Variants in RP2 observed in about 807,000 individuals in gnomAD.
RP2 encodes the protein RP2 activator of ARL3 GTPase, also known as protein XRP2.
RP2 carries 3 observed loss-of-function variants against 20.3 expected under a neutral mutation model. The ratio of observed to expected loss-of-function variants is 0.15; its 90% confidence interval spans 0.07 to 0.38. RP2 has a LOEUF of 0.38. RP2 is among the 10% of genes least tolerant of loss of function. RP2 has a pLI of 1.00. For synonymous variants in RP2, 75 were observed against 94.8 expected (o/e 0.79, Z 1.22); for missense variants, 233 against 268.5 (o/e 0.87, Z 0.92).
chrX:46,864,719 A>C (rs1332616549), intron 3 of RP2, among the ~76,000 whole-genome samples: 2 of 111,350 alleles, frequency 1.8e-5, no homozygotes, highest in African/African-American at 6.5e-5. Context: ...CCAATAAACA[A>C]ATTTTCTACT....
intron 4 of RP2, among the ~76,000 whole-genome samples, chrX:46,879,451 CAG>C (rs782039021): frequency 9.0e-6 from 1 of 110,574 alleles, no homozygotes; most frequent in Non-Finnish European, 1.9e-5. Context: ...ATTATGAAAG[CAG>C]AGACCTTAAT....
intron 1 of RP2, among the ~76,000 whole-genome samples, chrX:46,847,787 C>CGTGTGTGTGTATACACACAT (rs1924770032): frequency 1.2e-5 from 1 of 82,654 alleles, no homozygotes. Context: ...TACATACACA[C>CGTGTGTGTGTATACACACAT]ATGTGTGTGT....
At chrX:46,840,559 A>C (rs1051060865) in intron 1 of RP2, among the ~76,000 whole-genome samples, 6 of 112,707 alleles carry the variant, frequency 5.3e-5, no homozygotes, top group African/African-American at 1.9e-4. Flanking sequence ...ATTTCAAAAG[A>C]AATGTTTTTA....
At chrX:46,852,846 G>C (rs1304006228) in intron 1 of RP2, among the ~76,000 whole-genome samples, 5 of 111,220 alleles carry the variant, frequency 4.5e-5, no homozygotes, top group African/African-American at 1.3e-4. Context: ...GCCTCCCAAA[G>C]TGCTGGGATT....
chrX:46,870,756 T>C (rs1231607284), intron 3 of RP2, among the ~76,000 whole-genome samples: 1 of 111,734 alleles, frequency 8.9e-6, no homozygotes, highest in African/African-American at 3.2e-5. Flanking sequence ...CAAATAACCA[T>C]GAAAGCACTG....
chrX:46,862,323 A>G (rs1410277162), intron 3 of RP2, among the ~76,000 whole-genome samples: 1 of 109,326 alleles, frequency 9.1e-6, no homozygotes. Flanking sequence ...GTGAGCCAAG[A>G]TCGCTGCTGC....
intron 4 of RP2, among the ~76,000 whole-genome samples, chrX:46,879,175 G>A (rs1925430086): frequency 9.3e-6 from 1 of 107,334 alleles, no homozygotes; most frequent in Admixed American, 1.0e-4. Context: ...AGAAGTCTAG[G>A]CTGCAGTGAG....
intron 3 of RP2, among the ~76,000 whole-genome samples, chrX:46,862,151 A>G (rs1925077200): frequency 9.0e-6 from 1 of 111,669 alleles, no homozygotes; most frequent in African/African-American, 3.3e-5. Flanking sequence ...AGGCGGGTAG[A>G]TCACGAGGTC....
intron 1 of RP2, among the ~76,000 whole-genome samples, chrX:46,845,263 C>T (rs1924697846): frequency 9.0e-6 from 1 of 111,438 alleles, no homozygotes; most frequent in African/African-American, 3.3e-5. Flanking sequence ...AACTATTTGT[C>T]CTGTTCATTT....
intron 4 of RP2, among the ~76,000 whole-genome samples, chrX:46,878,157 G>A (rs782319434): frequency 1.8e-5 from 2 of 109,581 alleles, no homozygotes; most frequent in East Asian, 5.7e-4. Flanking sequence ...GGCGGATCAC[G>A]AGGTCAGGAG....
At chrX:46,858,484 T>C (rs183245766) in intron 2 of RP2, among the ~76,000 whole-genome samples, 286 of 111,360 alleles carry the variant, frequency 2.6e-3, no homozygotes, top group Non-Finnish European at 4.3e-3. Context: ...ATTTTTTTTT[T>C]TTTAAAGACA....
intron 3 of RP2, among the ~76,000 whole-genome samples, chrX:46,874,837 T>A (rs944166308): frequency 9.1e-6 from 1 of 110,218 alleles, no homozygotes; most frequent in African/African-American, 3.3e-5. Context: ...TTTTTTTTTT[T>A]AATCTTCTAT....
intron 1 of RP2, among the ~76,000 whole-genome samples, chrX:46,848,866 A>C (rs1263607245): frequency 1.3e-4 from 14 of 108,045 alleles, no homozygotes; most frequent in African/African-American, 4.0e-4. Context: ...CCATCTCTAC[A>C]GAAAATACAA....
At chrX:46,855,070 G>GA (rs1556318929) in intron 2 of RP2, among the ~76,000 whole-genome samples, 1 of 111,370 alleles carries the variant, frequency 9.0e-6, no homozygotes, top group Non-Finnish European at 1.9e-5. Context: ...CCAGCCAAAA[G>GA]TACATTTAGG....
intron 1 of RP2, among the ~76,000 whole-genome samples, chrX:46,849,111 T>C (rs1010924502): frequency 6.3e-5 from 7 of 111,511 alleles, no homozygotes; most frequent in Non-Finnish European, 1.3e-4. Flanking sequence ...GACCTTTCCA[T>C]GTTTGTGATT....
At position 46,861,727 on chromosome X, in the gene RP2, A is replaced by C. The variant is rs1925066332; in HGVS notation, c.883+1625A>C. On this transcript the variant is annotated intron_variant, in intron 3 of 4. Coordinates refer to ENST00000218340, the MANE Select transcript of RP2 (RefSeq NM_006915.3). ...AGGGGTGATGCATACCTGTAGTCCC[A>C]GCTACTCAGGAGCTGAGGTGGGAGG... Among the ~76,000 whole-genome samples the C allele has an allele frequency of 2.7e-5, 3 of 111,452 alleles. No individual in the cohort carries two copies. In the South Asian group the frequency reaches 1.1e-3, roughly 42 times the overall value.
intron 1 of RP2, among the ~76,000 whole-genome samples, chrX:46,845,818 C>T (rs1297550131): frequency 1.8e-5 from 2 of 110,596 alleles, no homozygotes; most frequent in Admixed American, 1.9e-4. Flanking sequence ...GGCTGGAATG[C>T]AGTGGCACAA....
chrX:46,871,893 C>A (rs911545425), intron 3 of RP2, among the ~76,000 whole-genome samples: 1 of 112,249 alleles, frequency 8.9e-6, no homozygotes, highest in Non-Finnish European at 1.9e-5. Flanking sequence ...TGTGCATACA[C>A]ATTTAGGATT....
Position 46,874,315 on chromosome X carries a change from TAC to T in RP2, c.884-3179_884-3178del, listed in dbSNP as rs200313106. Among the ~76,000 whole-genome samples, 166 of 111,823 alleles carry T rather than the reference TAC, an allele frequency of 1.5e-3. 1 individual carries two copies. Among genetic ancestry groups the T allele is most frequent in the African/African-American group, 5.2e-3 (161 of 30,856 alleles). On this transcript the variant is annotated intron_variant, in intron 3 of 4. Coordinates refer to ENST00000218340, the MANE Select transcript of RP2 (RefSeq NM_006915.3). ...TTTAATAATAAATGTCTAACTTAAATACACACACACACTATATTTCCTTGTAG... is the reference window on the plus strand; with the variant it reads ...TTTAATAATAAATGTCTAACTTAAATACACACACACTATATTTCCTTGTAG...
Sources: gnomAD v4.1 joint callset for allele counts (sites outside exome capture counted in the v4.1 genomes callset) on GRCh38, gnomAD v4.1.1 for gene constraint, MANE v1.5 for transcripts, NCBI Gene and HGNC (gene_info 2026-07-23, HGNC 2026-07-21) for gene names.